Variants in ACYP2 observed in about 807,000 individuals in gnomAD.
The protein encoded by ACYP2 is acylphosphatase 2.
Under a neutral mutation model 11.2 loss-of-function variants are expected in ACYP2, and 12 were observed. The ratio of observed to expected loss-of-function variants is 1.08; its 90% CI spans 0.69 to 1.74. ACYP2 has a LOEUF of 1.74. Among genes scored for constraint, ACYP2 ranks in the 40% most tolerant of loss-of-function variants. ACYP2 has a pLI of 0.00. For missense variants in ACYP2, 134 were observed against 101.9 expected, an observed-to-expected ratio of 1.31 and a Z score of -1.35; for synonymous variants, 43 against 32.2, an observed-to-expected ratio of 1.33 and a Z score of -1.13.
chr2:54,284,611 T>C lies in ACYP2; in HGVS notation c.405-20077T>C, dbSNP rs116400051. 6.9e-3 allele frequency among the ~76,000 whole-genome samples: 1,044 copies of C among 152,254 alleles called. 10 individuals carry two copies. Among genetic ancestry groups the C allele is most frequent in the African/African-American group, 0.023 (972 of 41,538 alleles). Reference sequence around the variant, plus strand: ...CTTTTTTTTTATCCCATCATTCCCATAGGCACACAAATATGCTCTTGTATC... The same window carrying C: ...CTTTTTTTTTATCCCATCATTCCCACAGGCACACAAATATGCTCTTGTATC... On this transcript the variant is annotated intron_variant, in intron 6 of 6. Transcript: ENST00000607452.
chr2:53,977,602 G>A (rs958691064), intron 2 of ACYP2, among the ~76,000 whole-genome samples: 1 of 151,970 alleles, frequency 6.6e-6, no homozygotes, highest in Admixed American at 6.6e-5. Context: ...GGGTGTGGTG[G>A]CATGCGCCTG....
intron 4 of ACYP2, among the ~76,000 whole-genome samples, chr2:54,092,811 T>A (rs1343031955): frequency 6.6e-6 from 1 of 152,130 alleles, no homozygotes; most frequent in African/African-American, 2.4e-5. Flanking sequence ...TCTGCTCAGA[T>A]CCCCACTTTA....
intron 4 of ACYP2, among the ~76,000 whole-genome samples, chr2:54,075,497 C>G (rs1307425561): frequency 1.2e-5 from 1 of 83,208 alleles, no homozygotes; most frequent in African/African-American, 5.0e-5. Flanking sequence ...GATTCTGTCT[C>G]AAAATTAAAA....
intron 2 of ACYP2, among the ~76,000 whole-genome samples, chr2:53,988,513 G>C (rs1473440775): frequency 6.6e-6 from 1 of 151,154 alleles, no homozygotes; most frequent in African/African-American, 2.4e-5. Context: ...TGATCCTCTT[G>C]CCTCAGCCTC....
intron 6 of ACYP2, among the ~76,000 whole-genome samples, chr2:54,296,173 G>T (rs1450292032): frequency 6.6e-6 from 1 of 152,220 alleles, no homozygotes; most frequent in African/African-American, 2.4e-5. Context: ...CATCATGCAT[G>T]CAACAGAGTA....
At chr2:54,063,240 C>A (rs1357928407) in intron 4 of ACYP2, among the ~76,000 whole-genome samples, 1 of 152,258 alleles carries the variant, frequency 6.6e-6, no homozygotes, top group Non-Finnish European at 1.5e-5. Context: ...GCTGCCTCCA[C>A]CTCCCAAAGT....
At chr2:54,245,712 T>TG (rs1686918324) in intron 6 of ACYP2, among the ~76,000 whole-genome samples, 1 of 145,338 alleles carries the variant, frequency 6.9e-6, no homozygotes, top group African/African-American at 2.7e-5. Flanking sequence ...TTAATCAGAT[T>TG]TTTTTTTTTT....
At chr2:54,228,143 C>T (rs976953858) in intron 6 of ACYP2, among the ~76,000 whole-genome samples, 1 of 152,148 alleles carries the variant, frequency 6.6e-6, no homozygotes, top group Non-Finnish European at 1.5e-5. Flanking sequence ...TTATTACTTT[C>T]TTTGGGACAC....
chr2:54,038,449 T>C (rs1675028949), intron 2 of ACYP2, among the ~76,000 whole-genome samples: 1 of 151,978 alleles, frequency 6.6e-6, no homozygotes, highest in Non-Finnish European at 1.5e-5. Context: ...TTACTTAACA[T>C]AGTACTTACT....
At chr2:54,240,983 C>T (rs1007744934) in intron 6 of ACYP2, among the ~76,000 whole-genome samples, 1 of 152,090 alleles carries the variant, frequency 6.6e-6, no homozygotes, top group Non-Finnish European at 1.5e-5. Context: ...CTTTATTTTT[C>T]TTGGTAAAGT....
At chr2:54,023,667 G>A in intron 2 of ACYP2, among the ~76,000 whole-genome samples, 1 of 152,064 alleles carries the variant, frequency 6.6e-6, no homozygotes. Flanking sequence ...TTTGGGTATT[G>A]TATGTATTTT....
chr2:53,995,346 C>T (rs1479888084), intron 2 of ACYP2, among the ~76,000 whole-genome samples: 1 of 152,148 alleles, frequency 6.6e-6, no homozygotes, highest in Non-Finnish European at 1.5e-5. Context: ...TCCATATCTA[C>T]AGTGACCTTG....
chr2:54,057,347 A>G lies in ACYP2; in HGVS notation c.264A>G (p.Ser88=). 2.5e-6 allele frequency: 1 copy of G among 397,950 alleles called. No individual in the cohort carries two copies. The highest frequency in any genetic ancestry group is 4.4e-6 in the Non-Finnish European group (1 of 225,632). 24.7% of individuals were successfully genotyped at this position (397,950 alleles called of 1,614,324 possible). A position where few individuals can be genotyped will look rare whatever the true frequency, so the allele number is the denominator to read the frequency against. ...GCTCATCAACTACTTTCATAAAATC[A>G]ACAATTTGCTTAAGTAAGTCTTCAA... The change falls in exon 4 of 7, where the codon TCA becomes TCG. Residue 88 remains serine (S), a synonymous_variant. Coordinates refer to ENST00000607452, the MANE Select transcript of ACYP2 (RefSeq NM_001320586.2).
Position 54,051,803 on chromosome 2 carries a change from G to C in ACYP2, c.155+753G>C, listed in dbSNP as rs1423855790. 9 of 391,572 alleles carry C rather than the reference G, an allele frequency of 2.3e-5. No individual in the cohort carries two copies. The Admixed American group carries it at 3.6e-4, about 16-fold the overall frequency. The allele number at this position is 391,572 out of a possible 1,614,324, so 24.3% of individuals were successfully genotyped here. A position where few individuals can be genotyped will look rare whatever the true frequency, so the allele number is the denominator to read the frequency against. The stretch of plus-strand genomic sequence containing the variant: ...CTCACACCTGTAATCCCGGCACTTT[G>C]GGAGGCCGAGGCAGGAAAATCACCT... On this transcript the variant is annotated intron_variant, in intron 3 of 6. Transcript: ENST00000607452.
intron 6 of ACYP2, among the ~76,000 whole-genome samples, chr2:54,217,515 C>T (rs11889244): frequency 0.014 from 2,190 of 151,960 alleles, 44 homozygotes; most frequent in African/African-American, 0.05. Flanking sequence ...CACAGGTGCA[C>T]ACCACTGTCC....
intron 6 of ACYP2, among the ~76,000 whole-genome samples, chr2:54,147,587 C>T (rs984824697): frequency 6.6e-6 from 1 of 152,100 alleles, no homozygotes; most frequent in Non-Finnish European, 1.5e-5. Flanking sequence ...TGCGGTGGCT[C>T]AGTCATAGCT....
At chr2:54,255,872 G>T (rs759425728) in intron 6 of ACYP2, 4 of 1,613,992 alleles carry the variant, frequency 2.5e-6, no homozygotes, top group East Asian at 2.2e-5. Context: ...CCCTCCGCGG[G>T]TGGTGGAGTC....
At chr2:54,116,407 T>C in intron 4 of ACYP2, among the ~76,000 whole-genome samples, 1 of 152,120 alleles carries the variant, frequency 6.6e-6, no homozygotes, top group Non-Finnish European at 1.5e-5. Flanking sequence ...AATAAAACTC[T>C]TCAACAATGG....
At chr2:54,143,067 C>G (rs1349095574) in intron 6 of ACYP2, 1 of 152,076 alleles carries the variant, frequency 6.6e-6, no homozygotes, top group African/African-American at 2.4e-5. Flanking sequence ...TTTTAAAAAA[C>G]TATAGTCTAT....
Sources: allele counts gnomAD v4.1 joint callset (sites outside exome capture counted in the v4.1 genomes callset), GRCh38; gene constraint gnomAD v4.1.1; transcripts MANE v1.5; gene names NCBI Gene and HGNC (gene_info 2026-07-23, HGNC 2026-07-21).